ITLN2: variants seen among roughly 807,000 people sequenced by gnomAD.
The protein encoded by ITLN2 is intelectin-2.
ITLN2 carries 29 observed loss-of-function variants against 39.4 expected under a neutral mutation model. The ratio of observed to expected loss-of-function variants is 0.74; its 90% CI spans 0.55 to 1.00. The LOEUF (loss-of-function observed/expected upper bound fraction) is 1.00. Among genes scored for constraint, ITLN2 ranks in the 50% least tolerant of loss-of-function variants. The pLI is 0.00. For missense variants in ITLN2, 412 were observed against 416.7 expected, an observed-to-expected ratio of 0.99 and a Z score of 0.10; for synonymous variants, 156 against 153.4, an observed-to-expected ratio of 1.02 and a Z score of -0.12.
In ITLN2 at chr1:160,950,111, A is replaced by G. The variant is rs1288480159; in HGVS notation, c.656T>C (p.Ile219Thr). ...ATCACCAAAGTCATAGACCACAGGT[A>G]TGGCTGGGCCATTGTCATTCCAACA... ...GKCWNDNGPA[I>T]PVVYDFGDAK... Residue 219 changes from isoleucine (I) to threonine (T), a missense_variant, in exon 6 of 8, where the codon ATA (isoleucine) becomes ACA (threonine). Transcript: ENST00000368029. 2.5e-6 allele frequency: 4 copies of G among 1,613,538 alleles called. No homozygotes were observed. Among genetic ancestry groups the G allele is most frequent in the Non-Finnish European group, 3.4e-6 (4 of 1,179,434 alleles).
chr1:160,945,317 T>G (rs765912517), intron 7 of ITLN2, 25 bp from the exon 8 acceptor site: 13 of 1,516,016 alleles, frequency 8.6e-6, no homozygotes, highest in African/African-American at 2.9e-5. Context: ...GAAGAAACAC[T>G]GTGAGGAATT....
At chr1:160,953,771 C>T (rs957070784) in intron 2 of ITLN2, among the ~76,000 whole-genome samples, 1 of 152,102 alleles carries the variant, frequency 6.6e-6, no homozygotes, top group Non-Finnish European at 1.5e-5. Context: ...ACAGTGCCTC[C>T]TTGAGCAGAC....
intron 6 of ITLN2, chr1:160,949,813 GTGA>G: frequency 2.0e-6 from 1 of 489,448 alleles, no homozygotes. Flanking sequence ...ATACAAGGTG[GTGA>G]TGAAGAAACC....
chr1:160,946,606 G>C (rs545470706), intron 7 of ITLN2, among the ~76,000 whole-genome samples: 1 of 150,170 alleles, frequency 6.7e-6, no homozygotes, highest in Admixed American at 6.6e-5. Flanking sequence ...CCAGCAACTC[G>C]GGAGGCTGAG....
chr1:160,945,350 A>G (rs2101934944), intron 7 of ITLN2, 58 bp from the exon 8 acceptor site: 2 of 1,454,690 alleles, frequency 1.4e-6, no homozygotes, highest in South Asian at 1.5e-5. Context: ...GACACCAGTG[A>G]GCGCAAGGCT....
At chr1:160,948,200 G>C (rs186779861) in intron 6 of ITLN2, among the ~76,000 whole-genome samples, 168 bp from the exon 7 acceptor site, 1 of 151,816 alleles carries the variant, frequency 6.6e-6, no homozygotes, top group Admixed American at 6.5e-5. Flanking sequence ...GCTGGTGCAC[G>C]TCAGTCCTAA....
chr1:160,950,001 G>A (rs981112429), intron 6 of ITLN2, 45 bp downstream of exon 6: 1 of 1,577,266 alleles, frequency 6.3e-7, no homozygotes. Context: ...TTCTCCAAGA[G>A]TACAAGAAAA....
At chr1:160,952,924 TTTAA>T (rs2101941059) in intron 2 of ITLN2, among the ~76,000 whole-genome samples, 191 bp from the exon 3 acceptor site, 1 of 152,300 alleles carries the variant, frequency 6.6e-6, no homozygotes, top group African/African-American at 2.4e-5. Context: ...CTCGACTAAT[TTTAA>T]TTAAATACCT....
chr1:160,945,263 T>A lies in ITLN2; in HGVS notation c.855A>T (p.Pro285=), dbSNP rs1671575087. The change falls in exon 8 of 8, where the codon CCA becomes CCT. Residue 285 remains proline (P), a synonymous_variant. Coordinates refer to ENST00000368029, the MANE Select transcript of ITLN2 (RefSeq NM_080878.3). ...CCCCACACTGACGGGGTTTGCCCTG[T>A]GGGAAGAACCCTCCTCCACCGATGC... is the stretch of plus-strand genomic sequence containing the variant. The part of the protein sequence containing the change: ...HHCIGGGGFF[P]QGKPRQCGDF... 4 of 1,586,936 alleles carry A rather than the reference T, an allele frequency of 2.5e-6. No individual in the cohort carries two copies. Among genetic ancestry groups the A allele is most frequent in the Admixed American group, 2.0e-5 (1 of 50,540 alleles).
At chr1:160,949,938 T>C (rs909008400) in intron 6 of ITLN2, 108 bp downstream of exon 6, 1 of 998,400 alleles carries the variant, frequency 1.0e-6, no homozygotes, top group African/African-American at 1.6e-5. Context: ...GTCTGGTGCA[T>C]TTTAAGTGCT....
In ITLN2 at chr1:160,954,369, C is replaced by T. The variant is rs370805564; in HGVS notation, c.79+18G>A. ...GGAGCCCAGGAAACTGCAGCTCCTACTCTCAGAAGCCATTTACCTGCACTG... is the reference window on the plus strand; with the variant it reads ...GGAGCCCAGGAAACTGCAGCTCCTATTCTCAGAAGCCATTTACCTGCACTG... On this transcript the variant is annotated intron_variant, in intron 2 of 7. Coordinates refer to ENST00000368029, the MANE Select transcript of ITLN2 (RefSeq NM_080878.3). The T allele has an allele frequency of 1.2e-5, 19 of 1,549,624 alleles. No homozygotes were observed. Among genetic ancestry groups the T allele is most frequent in the Admixed American group, 3.9e-5 (2 of 51,768 alleles).
chr1:160,949,944 G>C, intron 6 of ITLN2, 102 bp downstream of exon 6: 1 of 1,024,804 alleles, frequency 9.8e-7, no homozygotes, highest in South Asian at 1.7e-5. Context: ...TGCATTTTAA[G>C]TGCTCAGTAA....
At chr1:160,953,673 C>A (rs535414895) in intron 2 of ITLN2, among the ~76,000 whole-genome samples, 32 of 151,724 alleles carry the variant, frequency 2.1e-4, no homozygotes, top group African/African-American at 7.5e-4. Flanking sequence ...ATCACGCCAC[C>A]GCACTCCAAC....
intron 6 of ITLN2, 118 bp from the exon 7 acceptor site, chr1:160,948,150 C>A (rs1671649839): frequency 2.6e-6 from 2 of 758,602 alleles, no homozygotes; most frequent in Admixed American, 2.2e-5. Context: ...CCAAACACCC[C>A]AGGCTGTAGG....
chr1:160,951,541 T>C, intron 3 of ITLN2: 2 of 454,056 alleles, frequency 4.4e-6, no homozygotes, highest in Non-Finnish European at 7.6e-6. Context: ...AGATGGTATC[T>C]CCCTCTCGAC....
chr1:160,945,618 A>G (rs1312300167), intron 7 of ITLN2, among the ~76,000 whole-genome samples: 1 of 152,234 alleles, frequency 6.6e-6, no homozygotes, highest in Admixed American at 6.5e-5. Context: ...CCGAATTCTA[A>G]TCTGCGAGTC....
intron 6 of ITLN2, chr1:160,948,652 G>A (rs1445601700): frequency 1.4e-5 from 2 of 147,244 alleles, no homozygotes; most frequent in Admixed American, 6.8e-5. Flanking sequence ...TTTTGACAGG[G>A]TTTCGCTCTT....
chr1:160,949,670 C>T (rs915197599), intron 6 of ITLN2: 25 of 183,544 alleles, frequency 1.4e-4, no homozygotes, highest in Non-Finnish European at 2.6e-4. Context: ...GGTAGGGTTA[C>T]AGATTAACAG....
chr1:160,945,938 G>C (rs1437056032), intron 7 of ITLN2, among the ~76,000 whole-genome samples: 1 of 152,160 alleles, frequency 6.6e-6, no homozygotes, highest in Non-Finnish European at 1.5e-5. Flanking sequence ...CTCGGTGTAA[G>C]GAGGTACATC....
Sources: gnomAD v4.1 joint callset for allele counts (sites outside exome capture counted in the v4.1 genomes callset) on GRCh38, gnomAD v4.1.1 for gene constraint, MANE v1.5 for transcripts, NCBI Gene and HGNC (gene_info 2026-07-23, HGNC 2026-07-21) for gene names.